The following SEMA4D variants were observed in gnomAD, a reference collection of about 807,000 sequenced individuals.
SEMA4D encodes semaphorin-4D.
A neutral mutation model predicts 74.8 loss-of-function variants in SEMA4D; 22 were observed. The ratio of observed to expected loss-of-function variants is 0.29; its 90% CI spans 0.21 to 0.42. The LOEUF is 0.42. Ranked by LOEUF, SEMA4D falls within the 10% of genes least tolerant of loss-of-function variation. The pLI is 1.00. For synonymous variants in SEMA4D, 445 were observed against 463.7 expected (o/e 0.96, Z 0.52); for missense variants, 937 against 1,118.4 (o/e 0.84, Z 2.31).
At chr9:89,476,833 C>T (rs927923144) in intron 1 of SEMA4D, among the ~76,000 whole-genome samples, 1 of 152,204 alleles carries the variant, frequency 6.6e-6, no homozygotes, top group African/African-American at 2.4e-5. Context: ...AAGGAAGCCC[C>T]CATGACCACA....
chr9:89,405,848 A>G, intron 2 of SEMA4D, 149 bp from the exon 3 acceptor site: 1 of 1,273,526 alleles, frequency 7.9e-7, no homozygotes, highest in Non-Finnish European at 9.9e-7. Context: ...AGAGAGTCTT[A>G]GAAGTGGACA....
intron 1 of SEMA4D, among the ~76,000 whole-genome samples, chr9:89,459,169 C>CG (rs1197878145): frequency 1.3e-5 from 2 of 152,170 alleles, no homozygotes; most frequent in East Asian, 1.9e-4. Flanking sequence ...TCTCATACTG[C>CG]GGCCTGCAGC....
chr9:89,465,401 G>A (rs766079636), intron 1 of SEMA4D, among the ~76,000 whole-genome samples: 109 of 152,290 alleles, frequency 7.2e-4, no homozygotes, highest in Admixed American at 2.2e-3. Context: ...GAGAACCAAG[G>A]AGGTGTCACA....
chr9:89,429,023 C>T (rs1179447114), intron 2 of SEMA4D, among the ~76,000 whole-genome samples: 1 of 152,220 alleles, frequency 6.6e-6, no homozygotes, highest in Non-Finnish European at 1.5e-5. Context: ...CCCTTCCACG[C>T]TCACTCCTGG....
intron 16 of SEMA4D, among the ~76,000 whole-genome samples, chr9:89,369,879 T>C (rs1353975695): frequency 6.6e-6 from 1 of 151,708 alleles, no homozygotes; most frequent in Non-Finnish European, 1.5e-5. Flanking sequence ...TGTGTGTGTG[T>C]GTGTATGGTT....
chr9:89,481,612 C>T (rs1013933673), intron 1 of SEMA4D, among the ~76,000 whole-genome samples: 1 of 152,216 alleles, frequency 6.6e-6, no homozygotes, highest in Non-Finnish European at 1.5e-5. Flanking sequence ...TAAATTGTGG[C>T]AGACACACAC....
At chr9:89,380,468 A>G (rs1836779530) in intron 15 of SEMA4D, among the ~76,000 whole-genome samples, 2 of 152,218 alleles carry the variant, frequency 1.3e-5, no homozygotes, top group African/African-American at 4.8e-5. Context: ...AGTAGCTGGG[A>G]CTACAGGCGT....
intron 2 of SEMA4D, among the ~76,000 whole-genome samples, chr9:89,448,597 C>T (rs1460676648): frequency 8.5e-5 from 13 of 152,330 alleles, no homozygotes; most frequent in East Asian, 3.9e-4. Flanking sequence ...ATCCACACAA[C>T]GGCAGCAGAG....
At chr9:89,496,361 C>T (rs1303525910) in intron 1 of SEMA4D, among the ~76,000 whole-genome samples, 2 of 152,188 alleles carry the variant, frequency 1.3e-5, no homozygotes, top group African/African-American at 2.4e-5. Flanking sequence ...CTCTGAAATA[C>T]AGCCACTGAG....
chr9:89,364,509 C>G (rs117028774), intron 16 of SEMA4D: 1 of 184,304 alleles, frequency 5.4e-6, no homozygotes, highest in Non-Finnish European at 1.2e-5. Context: ...AGAGCTCAGA[C>G]CCTGGCAGGG....
intron 13 of SEMA4D, among the ~76,000 whole-genome samples, chr9:89,382,569 G>A (rs568292700): frequency 5.3e-5 from 8 of 152,308 alleles, no homozygotes; most frequent in South Asian, 2.1e-4. Flanking sequence ...AACCTGGCCC[G>A]CCGCTGGCCT....
chr9:89,494,061 T>C (rs1825822866), intron 1 of SEMA4D, among the ~76,000 whole-genome samples: 2 of 152,238 alleles, frequency 1.3e-5, no homozygotes, highest in East Asian at 3.8e-4. Flanking sequence ...TCAATAACTA[T>C]TGATTCATTG....
At chr9:89,460,780 C>G (rs1028639128) in intron 1 of SEMA4D, among the ~76,000 whole-genome samples, 4 of 152,254 alleles carry the variant, frequency 2.6e-5, no homozygotes, top group Admixed American at 6.5e-5. Context: ...CCAGGAGAAC[C>G]CATGCCCTCC....
At position 89,483,118 on chromosome 9, in the gene SEMA4D, T is replaced by C. The variant is rs1333493611; in HGVS notation, c.-310+14801A>G. ...AAACCAAGCCCTGCTCCAACCGTGC[T>C]CTTGTGGAAGGAACTGGAACATGAG... is the stretch of plus-strand genomic sequence containing the variant. On this transcript the variant is annotated intron_variant, in intron 1 of 15. Coordinates refer to ENST00000422704, the MANE Select transcript of SEMA4D (RefSeq NM_001371194.2). 3.3e-5 allele frequency among the ~76,000 whole-genome samples: 5 copies of C among 152,202 alleles called. No individual in the cohort carries two copies. In the South Asian group the frequency reaches 8.3e-4, roughly 25 times the overall value.
At chr9:89,364,040 T>C in intron 16 of SEMA4D, 1 of 1,609,196 alleles carries the variant, frequency 6.2e-7, no homozygotes, top group Non-Finnish European at 8.5e-7. Flanking sequence ...ACCTCTGCTG[T>C]CCCAGTTGGA....
At chr9:89,470,028 G>C (rs1010932002) in intron 1 of SEMA4D, among the ~76,000 whole-genome samples, 3 of 152,196 alleles carry the variant, frequency 2.0e-5, no homozygotes, top group Middle Eastern at 3.2e-3. Flanking sequence ...GTACAAAAAA[G>C]CTCTTAGAAT....
intron 2 of SEMA4D, among the ~76,000 whole-genome samples, chr9:89,437,371 C>T (rs1850681584): frequency 6.6e-6 from 1 of 152,178 alleles, no homozygotes; most frequent in African/African-American, 2.4e-5. Flanking sequence ...CAATCTTGGT[C>T]GCCCACACTT....
intron 2 of SEMA4D, among the ~76,000 whole-genome samples, chr9:89,435,969 G>A (rs1201555038): frequency 6.6e-6 from 1 of 152,220 alleles, no homozygotes; most frequent in Non-Finnish European, 1.5e-5. Context: ...GATAGCCTAG[G>A]CCAAGGAAGC....
At chr9:89,431,665 CTTTTT>C (rs535428303) in intron 2 of SEMA4D, among the ~76,000 whole-genome samples, 277 of 152,202 alleles carry the variant, frequency 1.8e-3, no homozygotes, top group Middle Eastern at 0.01. Flanking sequence ...GCTCAGCTAT[CTTTTT>C]ATTTTTTTGT....
Sources: gnomAD v4.1 joint callset for allele counts (sites outside exome capture counted in the v4.1 genomes callset) on GRCh38, gnomAD v4.1.1 for gene constraint, MANE v1.5 for transcripts, NCBI Gene and HGNC (gene_info 2026-07-23, HGNC 2026-07-21) for gene names.